Variants in SLC8A1 observed in about 807,000 individuals in gnomAD.
SLC8A1 encodes solute carrier family 8 member A1.
In SLC8A1, 18 loss-of-function variants were observed where a neutral mutation model predicts 68.3. That is an observed-to-expected ratio of 0.26 (90% CI 0.18 to 0.39). The LOEUF (loss-of-function observed/expected upper bound fraction) is 0.39, where lower values mean the gene tolerates loss of function less well. SLC8A1 is among the 10% of genes least tolerant of loss of function. The pLI is 1.00. For synonymous variants in SLC8A1, 475 were observed against 415.5 expected (o/e 1.14, Z -1.74); for missense variants, 985 against 1,156.7 (o/e 0.85, Z 2.15).
intron 6 of SLC8A1, among the ~76,000 whole-genome samples, chr2:40,158,004 A>G (rs2044895285): frequency 6.6e-6 from 1 of 152,250 alleles, no homozygotes; most frequent in African/African-American, 2.4e-5. Flanking sequence ...CTTTGAAACC[A>G]GTTTGAATAC....
chr2:40,314,448 C>CT (rs903238986), intron 2 of SLC8A1, among the ~76,000 whole-genome samples: 13 of 151,682 alleles, frequency 8.6e-5, no homozygotes, highest in Admixed American at 7.9e-4. Context: ...TCCTTTTGTT[C>CT]TTTTTTTCCA....
chr2:40,267,816 A>C (rs1481292223), intron 2 of SLC8A1, among the ~76,000 whole-genome samples: 1 of 152,196 alleles, frequency 6.6e-6, no homozygotes, highest in Non-Finnish European at 1.5e-5. Context: ...TCAGGTGTGC[A>C]TCGAGCACAC....
chr2:40,175,154 G>A (rs1376135802), intron 3 of SLC8A1, 107 bp downstream of exon 4: 1 of 1,148,780 alleles, frequency 8.7e-7, no homozygotes, highest in Non-Finnish European at 1.3e-6. Context: ...CAACAATCTT[G>A]CTAGCAAGTC....
intron 2 of SLC8A1, among the ~76,000 whole-genome samples, chr2:40,204,548 A>G (rs1232900985): frequency 5.3e-5 from 8 of 151,996 alleles, no homozygotes; most frequent in Non-Finnish European, 8.8e-5. Flanking sequence ...AAGCCCAACC[A>G]GTAAGAGAAC....
intron 2 of SLC8A1, among the ~76,000 whole-genome samples, chr2:40,342,955 T>A (rs1424519372): frequency 6.6e-6 from 1 of 152,122 alleles, no homozygotes; most frequent in Non-Finnish European, 1.5e-5. Context: ...CAGTGTACAA[T>A]AAGAGATGGT....
At chr2:40,323,231 C>T (rs1252534994) in intron 2 of SLC8A1, among the ~76,000 whole-genome samples, 1 of 152,084 alleles carries the variant, frequency 6.6e-6, no homozygotes, top group African/African-American at 2.4e-5. Flanking sequence ...AGACTGACAT[C>T]CATTGCAGTG....
At chr2:40,155,659 A>G (rs770742335) in intron 6 of SLC8A1, among the ~76,000 whole-genome samples, 57 of 152,330 alleles carry the variant, frequency 3.7e-4, no homozygotes, top group Non-Finnish European at 5.4e-4. Context: ...CAAGTGAATT[A>G]TTGTCCAGGG....
chr2:40,330,604 T>A (rs1163790860), intron 2 of SLC8A1, among the ~76,000 whole-genome samples: 1 of 152,182 alleles, frequency 6.6e-6, no homozygotes, highest in African/African-American at 2.4e-5. Flanking sequence ...CACCCATCAA[T>A]AAATTACTAT....
exon 8 of SLC8A1, chr2:40,111,660 T>G (rs569594098): frequency 3.3e-5 from 5 of 152,198 alleles, no homozygotes; most frequent in Non-Finnish European, 5.9e-5. Context: ...CACTTCCTTC[T>G]ATACTGTTTT....
intron 2 of SLC8A1, among the ~76,000 whole-genome samples, chr2:40,395,661 A>T (rs1350353663): frequency 1.3e-5 from 2 of 152,144 alleles, no homozygotes; most frequent in African/African-American, 4.8e-5. Flanking sequence ...AGAAAGAAAA[A>T]CTAAAGTGGA....
chr2:40,366,725 C>A (rs980108024), intron 2 of SLC8A1, among the ~76,000 whole-genome samples: 2 of 151,364 alleles, frequency 1.3e-5, no homozygotes, highest in African/African-American at 4.8e-5. Flanking sequence ...CTGTTCCATA[C>A]AGAGATATGA....
chr2:40,287,626 A>C (rs1018697797), intron 2 of SLC8A1, among the ~76,000 whole-genome samples: 1 of 76,742 alleles, frequency 1.3e-5, no homozygotes, highest in Non-Finnish European at 2.6e-5. Flanking sequence ...GTGTGCATGC[A>C]GGGACAAGGG....
At chr2:40,255,407 A>G (rs1457132385) in intron 2 of SLC8A1, among the ~76,000 whole-genome samples, 2 of 152,150 alleles carry the variant, frequency 1.3e-5, no homozygotes, top group African/African-American at 2.4e-5. Flanking sequence ...ATCTCTCATC[A>G]TGTATATTCA....
intron 2 of SLC8A1, among the ~76,000 whole-genome samples, chr2:40,394,414 T>C (rs921906300): frequency 6.6e-6 from 1 of 151,996 alleles, no homozygotes; most frequent in Non-Finnish European, 1.5e-5. Context: ...AAATATGGTA[T>C]ATACTATTTC....
intron 2 of SLC8A1, among the ~76,000 whole-genome samples, chr2:40,387,528 G>T (rs1683943294): frequency 6.6e-6 from 1 of 151,054 alleles, no homozygotes; most frequent in Non-Finnish European, 1.5e-5. Flanking sequence ...CTTCTGCATT[G>T]TTCTCACTGT....
intron 2 of SLC8A1, among the ~76,000 whole-genome samples, chr2:40,315,638 A>G (rs2074344369): frequency 6.6e-6 from 1 of 151,958 alleles, no homozygotes; most frequent in African/African-American, 2.4e-5. Flanking sequence ...CAAAATAAAT[A>G]AAAATGGATC....
intron 2 of SLC8A1, among the ~76,000 whole-genome samples, chr2:40,362,482 T>C (rs1259168246): frequency 6.6e-6 from 1 of 152,174 alleles, no homozygotes; most frequent in African/African-American, 2.4e-5. Flanking sequence ...ATTGTGCTAC[T>C]ATTTTTTAAT....
chr2:40,150,941 C>T (rs2043303298), intron 6 of SLC8A1, among the ~76,000 whole-genome samples: 1 of 152,162 alleles, frequency 6.6e-6, no homozygotes, highest in Non-Finnish European at 1.5e-5. Context: ...TTGCTTTGCT[C>T]ACCTACTAGT....
chr2:40,113,110 G>C (rs1405831764), exon 8 of SLC8A1: 1 of 152,162 alleles, frequency 6.6e-6, no homozygotes, highest in Non-Finnish European at 1.5e-5. Context: ...TCATGGCTTA[G>C]TCCCCAGAAA....
Sources: allele counts gnomAD v4.1 joint callset (sites outside exome capture counted in the v4.1 genomes callset), GRCh38; gene constraint gnomAD v4.1.1; transcripts MANE v1.5; gene names NCBI Gene and HGNC (gene_info 2026-07-23, HGNC 2026-07-21).